MALRD1: variants seen among roughly 807,000 people sequenced by gnomAD.
MALRD1 encodes the protein MAM and LDL receptor class A domain containing 1, also known as MAM and LDL-receptor class A domain-containing protein 1.
A neutral mutation model predicts 242.1 loss-of-function variants in MALRD1; 247 were observed. That is an observed-to-expected ratio of 1.02 (90% CI 0.92 to 1.13). MALRD1 has a LOEUF of 1.13. Among genes scored for constraint, MALRD1 ranks in the 50% most tolerant of loss-of-function variants. MALRD1 has a pLI of 0.00. For missense variants in MALRD1, 2,989 were observed against 2,533.1 expected (o/e 1.18, Z -3.86); for synonymous variants, 995 against 866.6 (o/e 1.15, Z -2.60).
At chr10:19,402,884 T>C (rs1216259564) in intron 28 of MALRD1, among the ~76,000 whole-genome samples, 3 of 152,154 alleles carry the variant, frequency 2.0e-5, no homozygotes, top group Non-Finnish European at 4.4e-5. Context: ...TAGATCCAGA[T>C]TGAATATTTT....
chr10:19,074,619 A>AC (rs57747944), intron 2 of MALRD1, among the ~76,000 whole-genome samples: 88,989 of 151,314 alleles, frequency 0.59, 27,163 homozygotes, highest in African/African-American at 0.77. Context: ...ATTAACTGAT[A>AC]GATATCAACA....
At chr10:19,728,781 C>T (rs1316325702) in intron 38 of MALRD1, among the ~76,000 whole-genome samples, 2 of 152,174 alleles carry the variant, frequency 1.3e-5, no homozygotes, top group African/African-American at 2.4e-5. Flanking sequence ...AACTACACTT[C>T]ACTCCCTACC....
chr10:19,206,482 A>G (rs1836791791), intron 17 of MALRD1, among the ~76,000 whole-genome samples: 1 of 152,146 alleles, frequency 6.6e-6, no homozygotes, highest in Non-Finnish European at 1.5e-5. Flanking sequence ...TCTGAATCCC[A>G]CTCATTAAAA....
chr10:19,250,535 C>G (rs183287441), intron 18 of MALRD1, among the ~76,000 whole-genome samples: 1 of 151,838 alleles, frequency 6.6e-6, no homozygotes, highest in Non-Finnish European at 1.5e-5. Context: ...AACACTGATT[C>G]TTTTTAAAAT....
intron 18 of MALRD1, among the ~76,000 whole-genome samples, chr10:19,250,602 G>A (rs2131782362): frequency 6.6e-6 from 1 of 151,996 alleles, no homozygotes; most frequent in Middle Eastern, 3.4e-3. Context: ...AAACACAAAT[G>A]TGCCCCAATT....
intron 38 of MALRD1, among the ~76,000 whole-genome samples, chr10:19,720,193 T>A (rs1834677756): frequency 6.6e-6 from 1 of 152,190 alleles, no homozygotes; most frequent in Admixed American, 6.5e-5. Context: ...CAAAATCAAA[T>A]TCTCTAAGGC....
chr10:19,209,767 A>G (rs1037990385), intron 18 of MALRD1, 87 bp downstream of exon 18: 7 of 1,308,468 alleles, frequency 5.3e-6, no homozygotes, highest in African/African-American at 3.0e-5. Flanking sequence ...TCTAATTAAA[A>G]GCAAGTGGAA....
At chr10:19,444,739 A>T (rs75799616) in intron 28 of MALRD1, among the ~76,000 whole-genome samples, 1 of 152,148 alleles carries the variant, frequency 6.6e-6, no homozygotes, top group East Asian at 1.9e-4. Context: ...GCTGCCCTTA[A>T]CATTTTTTCC....
intron 33 of MALRD1, among the ~76,000 whole-genome samples, chr10:19,577,924 T>A (rs1011349032): frequency 6.6e-5 from 10 of 152,110 alleles, no homozygotes; most frequent in African/African-American, 2.2e-4. Flanking sequence ...GCCAAGTATG[T>A]CAGAGAGGTT....
At chr10:19,129,904 A>G (rs1008609993) in intron 8 of MALRD1, among the ~76,000 whole-genome samples, 10 of 150,260 alleles carry the variant, frequency 6.7e-5, no homozygotes, top group Admixed American at 5.4e-4. Flanking sequence ...TGGATGTCAT[A>G]TATATATCAC....
chr10:19,084,975 A>G (rs896635406), intron 2 of MALRD1, among the ~76,000 whole-genome samples: 8 of 152,016 alleles, frequency 5.3e-5, no homozygotes, highest in Non-Finnish European at 8.8e-5. Context: ...GAATTTAAGT[A>G]TCATGTAAAC....
At chr10:19,526,369 C>T (rs61841400) in intron 31 of MALRD1, among the ~76,000 whole-genome samples, 23,807 of 143,374 alleles carry the variant, frequency 0.17, 2,991 homozygotes, top group African/African-American at 0.35. Flanking sequence ...AAAAAAAATA[C>T]ATATATATAT....
chr10:19,414,410 G>A (rs1453433727), intron 28 of MALRD1, among the ~76,000 whole-genome samples: 1 of 152,168 alleles, frequency 6.6e-6, no homozygotes, highest in Non-Finnish European at 1.5e-5. Flanking sequence ...AGGAAAGAGA[G>A]GCATAAAGAT....
At chr10:19,477,992 C>T (rs1013223979) in intron 29 of MALRD1, among the ~76,000 whole-genome samples, 1 of 152,142 alleles carries the variant, frequency 6.6e-6, no homozygotes, top group East Asian at 1.9e-4. Context: ...TTCGCCTGTG[C>T]AAGCTTCTAG....
At chr10:19,259,363 A>G (rs1839648983) in intron 19 of MALRD1, among the ~76,000 whole-genome samples, 1 of 152,118 alleles carries the variant, frequency 6.6e-6, no homozygotes, top group African/African-American at 2.4e-5. Context: ...ATAAAGACAT[A>G]CCCGAGCCTG....
chr10:19,730,915 T>C (rs1409568909), intron 39 of MALRD1, 134 bp downstream of exon 39: 2 of 820,938 alleles, frequency 2.4e-6, no homozygotes, highest in African/African-American at 1.7e-5. Context: ...TTAGTGGAGT[T>C]ATTTCAATTG....
At chr10:19,214,834 C>G (rs1405875450) in intron 18 of MALRD1, among the ~76,000 whole-genome samples, 1 of 152,176 alleles carries the variant, frequency 6.6e-6, no homozygotes, top group Non-Finnish European at 1.5e-5. Context: ...GAGACTTTCA[C>G]AAAATTGCCT....
At chr10:19,176,826 G>T (rs796523396) in intron 14 of MALRD1, among the ~76,000 whole-genome samples, 1 of 145,770 alleles carries the variant, frequency 6.9e-6, no homozygotes, top group African/African-American at 2.5e-5. Context: ...GTGTCTGTGT[G>T]TGTGTGCATG....
intron 28 of MALRD1, among the ~76,000 whole-genome samples, chr10:19,442,983 G>T (rs1834756181): frequency 6.6e-6 from 1 of 152,030 alleles, no homozygotes; most frequent in Admixed American, 6.6e-5. Context: ...ATTAATTATT[G>T]CCTCAATTTC....
Sources: gnomAD v4.1 joint callset for allele counts (sites outside exome capture counted in the v4.1 genomes callset) on GRCh38, gnomAD v4.1.1 for gene constraint, MANE v1.5 for transcripts, NCBI Gene and HGNC (gene_info 2026-07-23, HGNC 2026-07-21) for gene names.